The following TPST1 variants were observed in gnomAD, a reference collection of about 807,000 sequenced individuals.
TPST1 encodes the protein tyrosylprotein sulfotransferase 1, also known as protein-tyrosine sulfotransferase 1.
Under a neutral mutation model 34.8 loss-of-function variants are expected in TPST1, and 20 were observed. That is an observed-to-expected ratio of 0.57 (90% CI 0.40 to 0.84). The LOEUF (loss-of-function observed/expected upper bound fraction) is 0.84, where lower values mean the gene tolerates loss of function less well. TPST1 is among the 40% of genes least tolerant of loss of function. The pLI, the probability that TPST1 is intolerant of heterozygous loss-of-function variation, is 0.00. For synonymous variants in TPST1, 152 were observed against 159.4 expected, an observed-to-expected ratio of 0.95 and a Z score of 0.35; for missense variants, 353 against 455.5, an observed-to-expected ratio of 0.78 and a Z score of 2.05.
At chr7:66,246,217 CAG>C (rs1790145669) in intron 2 of TPST1, among the ~76,000 whole-genome samples, 1 of 124,136 alleles carries the variant, frequency 8.1e-6, no homozygotes. Flanking sequence ...TTGGTGGAGA[CAG>C]GGTCTCACTA....
chr7:66,274,795 A>G (rs1175525076), intron 2 of TPST1, among the ~76,000 whole-genome samples: 3 of 152,224 alleles, frequency 2.0e-5, no homozygotes, highest in Admixed American at 2.0e-4. Flanking sequence ...AAAAGAAGAC[A>G]TACAAATGGC....
chr7:66,305,777 A>G (rs1791410692), intron 3 of TPST1, among the ~76,000 whole-genome samples: 1 of 152,238 alleles, frequency 6.6e-6, no homozygotes, highest in Non-Finnish European at 1.5e-5. Context: ...GGATTTTGAT[A>G]ATATTTAGTG....
intron 1 of TPST1, among the ~76,000 whole-genome samples, chr7:66,209,540 C>A (rs1450965799): frequency 6.6e-6 from 1 of 152,178 alleles, no homozygotes; most frequent in African/African-American, 2.4e-5. Flanking sequence ...TATAAAATCA[C>A]CTCTATTACC....
At chr7:66,204,970 GGACACCCAC>G (rs1789090889), upstream of TPST1, among the ~76,000 whole-genome samples, 1 of 152,262 alleles carries the variant, frequency 6.6e-6, no homozygotes, top group Admixed American at 6.5e-5. Context: ...AAGGCCTCTG[GGACACCCAC>G]GTTGGGGGTG....
chr7:66,213,061 T>C (rs1019607938), intron 1 of TPST1, among the ~76,000 whole-genome samples: 3 of 152,170 alleles, frequency 2.0e-5, no homozygotes, highest in Non-Finnish European at 4.4e-5. Flanking sequence ...TTTTTCTGTT[T>C]GGAGTTCTCT....
intron 3 of TPST1, among the ~76,000 whole-genome samples, chr7:66,326,163 T>C (rs1176043142): frequency 6.6e-6 from 1 of 152,190 alleles, no homozygotes; most frequent in Admixed American, 6.5e-5. Flanking sequence ...TATGAAAGGA[T>C]CTTACGCTTT....
At chr7:66,348,213 A>G (rs898582879) in intron 3 of TPST1, among the ~76,000 whole-genome samples, 1 of 152,176 alleles carries the variant, frequency 6.6e-6, no homozygotes, top group African/African-American at 2.4e-5. Flanking sequence ...TCCTTGGTCC[A>G]AGCCATCATT....
the TPST1 span, among the ~76,000 whole-genome samples, chr7:66,199,662 G>C: frequency 2.0e-5 from 3 of 150,054 alleles, no homozygotes; most frequent in Non-Finnish European, 3.0e-5. Flanking sequence ...TCTTCCCTCC[G>C]TGCCAGACCC....
intron 1 of TPST1, among the ~76,000 whole-genome samples, chr7:66,209,524 C>T (rs905335244): frequency 6.6e-6 from 1 of 152,174 alleles, no homozygotes; most frequent in African/African-American, 2.4e-5. Context: ...CCTTTTGCCT[C>T]AGCCATATAA....
chr7:66,241,872 C>T (rs986740336), intron 2 of TPST1, among the ~76,000 whole-genome samples: 1 of 152,152 alleles, frequency 6.6e-6, no homozygotes, highest in African/African-American at 2.4e-5. Context: ...CGAATCTGTG[C>T]CTTGGTCTCA....
At chr7:66,327,330 A>G (rs971872574) in intron 3 of TPST1, among the ~76,000 whole-genome samples, 21 of 152,368 alleles carry the variant, frequency 1.4e-4, no homozygotes, top group African/African-American at 5.0e-4. Context: ...ATGAGTTTAC[A>G]GAAAGAAAGG....
chr7:66,294,372 C>T (rs1791149158), intron 3 of TPST1, among the ~76,000 whole-genome samples: 1 of 141,110 alleles, frequency 7.1e-6, no homozygotes, highest in Non-Finnish European at 1.5e-5. Context: ...AACCATATAA[C>T]CGTATCATGT....
At chr7:66,353,925 C>T (rs992305509) in intron 4 of TPST1, among the ~76,000 whole-genome samples, 2 of 152,212 alleles carry the variant, frequency 1.3e-5, no homozygotes, top group African/African-American at 4.8e-5. Flanking sequence ...AAGCCTCTTC[C>T]TTCCTGACCC....
intron 3 of TPST1, among the ~76,000 whole-genome samples, chr7:66,319,231 A>G (rs1259907774): frequency 6.6e-6 from 1 of 152,224 alleles, no homozygotes; most frequent in Admixed American, 6.5e-5. Flanking sequence ...TGTCCTCCAG[A>G]TAGTTTAACA....
chr7:66,359,999 C>G lies in TPST1; in HGVS notation c.*134C>G. ...CTTGGCTGCGCCGCCTGTGCATTTG[C>G]CAGTTTCCTCCCACTGAGAGGATGG... On this transcript the variant is annotated 3_prime_UTR_variant, in exon 6 of 6. Transcript: ENST00000304842. The G allele has an allele frequency of 2.2e-6, 1 of 456,344 alleles. No individual in the cohort carries two copies. The highest frequency in any genetic ancestry group is 1.5e-5 in the South Asian group (1 of 64,552). The allele number at this position is 456,344 out of a possible 1,614,324, so 28.3% of individuals were successfully genotyped here.
chr7:66,338,918 C>T (rs1414848614), intron 3 of TPST1, among the ~76,000 whole-genome samples: 2 of 151,952 alleles, frequency 1.3e-5, no homozygotes, highest in African/African-American at 4.8e-5. Flanking sequence ...AACAAACCCC[C>T]AATTTTTTGT....
chr7:66,226,631 T>C (rs571966101), intron 1 of TPST1, among the ~76,000 whole-genome samples: 2 of 152,332 alleles, frequency 1.3e-5, no homozygotes, highest in Middle Eastern at 3.4e-3. Context: ...TGAAGGGCTA[T>C]GGAACATACT....
chr7:66,308,877 T>C (rs1429590872), intron 3 of TPST1, among the ~76,000 whole-genome samples: 1 of 152,124 alleles, frequency 6.6e-6, no homozygotes, highest in Admixed American at 6.5e-5. Context: ...TACACCCCAG[T>C]ATTCCTTATT....
chr7:66,200,435 T>TG (rs1302243421), upstream of TPST1, among the ~76,000 whole-genome samples: 1 of 151,678 alleles, frequency 6.6e-6, no homozygotes, highest in Non-Finnish European at 1.5e-5. Context: ...TTTTTTTTTT[T>TG]TTGAGATGGA....
Sources: allele counts gnomAD v4.1 joint callset (sites outside exome capture counted in the v4.1 genomes callset), GRCh38; gene constraint gnomAD v4.1.1; transcripts MANE v1.5; gene names NCBI Gene and HGNC (gene_info 2026-07-23, HGNC 2026-07-21).